DAB1: variants seen among roughly 807,000 people sequenced by gnomAD.
The protein encoded by DAB1 is DAB adaptor protein 1, also known as disabled homolog 1.
A neutral mutation model predicts 64.6 loss-of-function variants in DAB1; 15 were observed. The observed-to-expected ratio is 0.23, with a 90% confidence interval of 0.16 to 0.36. DAB1 has a LOEUF of 0.36. DAB1 is among the 10% of genes least tolerant of loss of function. The pLI, the probability that DAB1 is intolerant of heterozygous loss-of-function variation, is 1.00. For synonymous variants in DAB1, 235 were observed against 251.9 expected (o/e 0.93, Z 0.64); for missense variants, 596 against 706.7 (o/e 0.84, Z 1.78).
chr1:58,246,816 G>C (rs1027364735), intron 4 of DAB1, among the ~76,000 whole-genome samples: 1 of 152,028 alleles, frequency 6.6e-6, no homozygotes, highest in African/African-American at 2.4e-5. Flanking sequence ...ACGCATGTAT[G>C]TCAGGGTGTG....
At chr1:57,072,808 G>A (rs903510231) in intron 4 of DAB1, among the ~76,000 whole-genome samples, 2 of 152,096 alleles carry the variant, frequency 1.3e-5, no homozygotes, top group Non-Finnish European at 2.9e-5. Flanking sequence ...TGTGGTGGAG[G>A]AGCTACACTA....
intron 3 of DAB1, among the ~76,000 whole-genome samples, chr1:58,460,466 T>C (rs1283739132): frequency 1.3e-5 from 2 of 152,248 alleles, no homozygotes; most frequent in Admixed American, 6.5e-5. Context: ...TGCATTGTTT[T>C]TTATTTCTGG....
chr1:58,062,451 TC>T (rs1303419392), intron 5 of DAB1, among the ~76,000 whole-genome samples: 1 of 152,256 alleles, frequency 6.6e-6, no homozygotes, highest in Non-Finnish European at 1.5e-5. Context: ...AAGGAGGGCT[TC>T]TTGGGAAGGC....
chr1:57,405,960 T>G (rs1474543650), intron 1 of DAB1, among the ~76,000 whole-genome samples: 1 of 152,216 alleles, frequency 6.6e-6, no homozygotes, highest in Non-Finnish European at 1.5e-5. Context: ...TTGCTAACAC[T>G]TGGTGACAAG....
chr1:57,687,615 A>AAAT (rs1553209056), intron 6 of DAB1, among the ~76,000 whole-genome samples: 1 of 149,182 alleles, frequency 6.7e-6, no homozygotes, highest in African/African-American at 2.5e-5. Flanking sequence ...AAAAAAAAAA[A>AAAT]AAAAGAAAAA....
chr1:58,541,565 CA>C (rs1646615809), intron 1 of DAB1: 1 of 109,156 alleles, frequency 9.2e-6, no homozygotes, highest in Admixed American at 1.4e-4. Flanking sequence ...TGCAGTGAGC[CA>C]AAATTGTGCC....
rs778893719 is a variant in DAB1 at position 57,145,391 on chromosome 1, T to G, written c.106A>C (p.Lys36Gln). The G allele has an allele frequency of 6.2e-7, 1 of 1,613,980 alleles. No individual in the cohort carries two copies. Among genetic ancestry groups the G allele is most frequent in the African/African-American group, 1.3e-5 (1 of 74,916 alleles). Residue 36 changes from lysine (K) to glutamine (Q), a missense_variant, in exon 3 of 15, where the codon AAA becomes CAA. This residue lies in a region of DAB1 where 176 missense variants were observed against 266.7 expected (regional missense o/e 0.66). Transcript: ENST00000371236. ...RSEATLIKRFKGEGVRYKAKL... is the reference protein window; with the variant it reads ...RSEATLIKRFQGEGVRYKAKL... ...GCTTTGTACCGGACCCCTTCACCTT[T>G]AAACCTCTTTATCAAAGTGGCTTCA... is the stretch of plus-strand genomic sequence containing the variant.
intron 4 of DAB1, among the ~76,000 whole-genome samples, chr1:57,129,721 T>C (rs192437847): frequency 3.9e-5 from 6 of 152,206 alleles, no homozygotes; most frequent in Non-Finnish European, 7.4e-5. Context: ...TGTGGGTTAG[T>C]TCATGCCTAA....
rs547240893 is a variant in DAB1 at position 57,139,927 on chromosome 1, G to T, written c.208-3286C>A. On this transcript the variant is annotated intron_variant, in intron 3 of 14. Coordinates refer to ENST00000371236, the MANE Select transcript of DAB1 (RefSeq NM_001365792.1). ...GAAAAAGAGAAGGACAATCCATAAG[G>T]TGCTATCTTTGGGGAAAGAAAAGTC... Among the ~76,000 whole-genome samples the T allele has an allele frequency of 3.9e-5, 6 of 152,212 alleles. No individual in the cohort carries two copies. In the East Asian group the frequency reaches 1.2e-3, roughly 29 times the overall value.
intron 14 of DAB1, among the ~76,000 whole-genome samples, chr1:56,999,559 G>A (rs1174428689): frequency 6.6e-6 from 1 of 152,172 alleles, no homozygotes; most frequent in African/African-American, 2.4e-5. Flanking sequence ...AGTTCTGAAA[G>A]GTTGTGTGAT....
chr1:57,313,536 G>A (rs2100740764), intron 1 of DAB1, among the ~76,000 whole-genome samples: 1 of 152,252 alleles, frequency 6.6e-6, no homozygotes, highest in South Asian at 2.1e-4. Context: ...TGAGGAAGGG[G>A]TAAGTTGGCC....
At chr1:58,399,573 C>T (rs545621097) in intron 3 of DAB1, among the ~76,000 whole-genome samples, 21 of 152,324 alleles carry the variant, frequency 1.4e-4, no homozygotes, top group African/African-American at 4.8e-4. Context: ...GAACCAAACT[C>T]CTGAAGTCAG....
At chr1:58,109,582 CTT>C (rs1267212494) in intron 5 of DAB1, among the ~76,000 whole-genome samples, 2 of 151,956 alleles carry the variant, frequency 1.3e-5, no homozygotes, top group Non-Finnish European at 2.9e-5. Flanking sequence ...ACCAAACACT[CTT>C]TGTATTTTTA....
At chr1:58,526,565 T>C (rs894387938) in intron 2 of DAB1, among the ~76,000 whole-genome samples, 1 of 99,542 alleles carries the variant, frequency 1.0e-5, no homozygotes, top group Non-Finnish European at 2.0e-5. Flanking sequence ...TCAACTTAAA[T>C]AAAAGTAAAG....
At chr1:57,037,251 A>G (rs986578446) in intron 9 of DAB1, among the ~76,000 whole-genome samples, 1 of 152,234 alleles carries the variant, frequency 6.6e-6, no homozygotes, top group Admixed American at 6.5e-5. Context: ...AGCTGCCTTG[A>G]TTGATTATGC....
intron 5 of DAB1, among the ~76,000 whole-genome samples, chr1:58,147,670 C>T (rs768412927): frequency 3.3e-5 from 5 of 151,490 alleles, no homozygotes; most frequent in Non-Finnish European, 7.4e-5. Flanking sequence ...CTCAAAAAAA[C>T]AAAAATAGAA....
chr1:57,687,086 A>C (rs565142662), intron 6 of DAB1, among the ~76,000 whole-genome samples: 75 of 152,304 alleles, frequency 4.9e-4, no homozygotes, highest in Non-Finnish European at 9.4e-4. Flanking sequence ...TCCGAATAGA[A>C]TAAGAAAAAG....
At chr1:58,321,726 C>T (rs1569640268) in intron 4 of DAB1, among the ~76,000 whole-genome samples, 2 of 152,258 alleles carry the variant, frequency 1.3e-5, no homozygotes, top group East Asian at 1.9e-4. Context: ...TCCACCATTG[C>T]TGAGGCTTGA....
rs571860942 is a variant in DAB1, at chr1:57,205,871, T to C, written c.68-60442A>G. 2.0e-4 allele frequency among the ~76,000 whole-genome samples: 31 copies of C among 152,354 alleles called. 1 individual carries two copies. The South Asian group carries it at 6.4e-3, about 32-fold the overall frequency. ...ATTCAAACAATATAGACCAAATGAC[T>C]GCCACAAAGAGAAATTAGTGGATCT... is the stretch of plus-strand genomic sequence containing the variant. On this transcript the variant is annotated intron_variant, in intron 2 of 14. Transcript: ENST00000371236.
Sources: allele counts gnomAD v4.1 joint callset (sites outside exome capture counted in the v4.1 genomes callset), GRCh38; gene constraint gnomAD v4.1.1; regional missense constraint gnomAD v4.1.1; transcripts MANE v1.5; gene names NCBI Gene and HGNC (gene_info 2026-07-23, HGNC 2026-07-21).